Variants in PSMD14 observed in about 807,000 individuals in gnomAD.
PSMD14 encodes the protein proteasome 26S subunit, non-ATPase 14.
In PSMD14, 7 loss-of-function variants were observed where a neutral mutation model predicts 41.2. That is an observed-to-expected ratio of 0.17 (90% CI 0.10 to 0.32). The LOEUF (loss-of-function observed/expected upper bound fraction) is 0.32, where lower values mean the gene tolerates loss of function less well. PSMD14 is among the 10% of genes least tolerant of loss of function. PSMD14 has a pLI of 1.00. For missense variants in PSMD14, 139 were observed against 375.6 expected, an observed-to-expected ratio of 0.37 and a Z score of 5.21; for synonymous variants, 114 against 122.3, an observed-to-expected ratio of 0.93 and a Z score of 0.45.
rs773274598 is a variant in PSMD14, at chr2:161,396,217, C to A, written c.771+1014C>A. 5.3e-5 allele frequency among the ~76,000 whole-genome samples: 8 copies of A among 152,144 alleles called. No homozygotes were observed. In the East Asian group the frequency reaches 1.3e-3, roughly 26 times the overall value. On this transcript the variant is annotated intron_variant, in intron 10 of 11. Coordinates refer to ENST00000409682, the MANE Select transcript of PSMD14 (RefSeq NM_005805.6). ...ATGTTACCCTAGGCAAAATAAACATCACAGGCAAGGGCTAGGAGATAGAAA... is the reference window on the plus strand; with the variant it reads ...ATGTTACCCTAGGCAAAATAAACATAACAGGCAAGGGCTAGGAGATAGAAA...
At chr2:161,348,430 G>T (rs1420207679) in intron 3 of PSMD14, among the ~76,000 whole-genome samples, 2 of 152,194 alleles carry the variant, frequency 1.3e-5, no homozygotes, top group Non-Finnish European at 2.9e-5. Flanking sequence ...TTGCCGATAG[G>T]TTGTAGTTTG....
At position 161,398,538 on chromosome 2, in the gene PSMD14, AT is replaced by A. The variant is rs528096563; in HGVS notation, c.771+3344del. 9.0e-3 allele frequency among the ~76,000 whole-genome samples: 1,364 copies of A among 151,100 alleles called. 21 individuals are homozygous for A. Among genetic ancestry groups the A allele is most frequent in the African/African-American group, 0.031 (1,292 of 41,236 alleles). ...TTATTCATGCGGAGATGCATCTGCT[AT>A]TTTTTTTTAATTTTGATAATGTTTG... On this transcript the variant is annotated intron_variant, in intron 10 of 11. Coordinates refer to ENST00000409682, the MANE Select transcript of PSMD14 (RefSeq NM_005805.6).
At chr2:161,377,149 T>A (rs1389623465) in intron 7 of PSMD14, among the ~76,000 whole-genome samples, 1 of 151,952 alleles carries the variant, frequency 6.6e-6, no homozygotes, top group Non-Finnish European at 1.5e-5. Context: ...ATAGCTGCTA[T>A]ATTTATAAGA....
chr2:161,407,916 C>A (rs1683974151), intron 10 of PSMD14: 1 of 151,936 alleles, frequency 6.6e-6, no homozygotes, highest in African/African-American at 2.4e-5. Context: ...TGTCTTCAGG[C>A]CATAACATAC....
intron 3 of PSMD14, among the ~76,000 whole-genome samples, chr2:161,362,282 T>TA (rs1257635839): frequency 1.3e-5 from 2 of 152,220 alleles, no homozygotes; most frequent in Non-Finnish European, 2.9e-5. Flanking sequence ...AGTCAACACT[T>TA]ACATCTGTAT....
In PSMD14 at chr2:161,318,829, G is replaced by T; in HGVS notation, c.4G>T (p.Asp2Tyr). M[D>Y]RLLRLGGGMP... ...TTTGTTTCTGTTTTCTAGAAATATG[G>T]ACAGACTTCTTAGACTTGGAGGAGG... The change falls in exon 3 of 12, where the codon GAC (aspartate) becomes TAC (tyrosine). Residue 2 changes from aspartate to tyrosine, a missense_variant. Around this residue, in one of 4 missense-constraint regions of PSMD14, gnomAD observed 24 missense variants for 55.3 expected, o/e 0.43. Coordinates refer to ENST00000409682, the MANE Select transcript of PSMD14 (RefSeq NM_005805.6). 1 of 1,612,778 alleles carries T rather than the reference G, an allele frequency of 6.2e-7. No individual in the cohort carries two copies. Among genetic ancestry groups the T allele is most frequent in the South Asian group, 1.1e-5 (1 of 90,962 alleles).
At chr2:161,379,393 A>T (rs910263444) in intron 7 of PSMD14, among the ~76,000 whole-genome samples, 2 of 151,972 alleles carry the variant, frequency 1.3e-5, no homozygotes, top group Admixed American at 1.3e-4. Context: ...TTCTAGGCAT[A>T]TTCAGTCATT....
intron 10 of PSMD14, among the ~76,000 whole-genome samples, chr2:161,399,602 T>G (rs1251188995): frequency 6.6e-6 from 1 of 152,138 alleles, no homozygotes; most frequent in Non-Finnish European, 1.5e-5. Context: ...TATAAAATAT[T>G]TTTTTAAAAT....
chr2:161,395,313 A>G (rs1475816690), intron 10 of PSMD14, 110 bp downstream of exon 10: 2 of 1,093,092 alleles, frequency 1.8e-6, no homozygotes, highest in Non-Finnish European at 2.6e-6. Flanking sequence ...TGTAAATAAA[A>G]TAGTAAATAT....
chr2:161,364,691 G>C (rs1459051088), intron 3 of PSMD14, among the ~76,000 whole-genome samples: 1 of 152,140 alleles, frequency 6.6e-6, no homozygotes, highest in Non-Finnish European at 1.5e-5. Context: ...CTGTCCCATT[G>C]ATGGTGTATT....
At chr2:161,327,803 A>T (rs2105234803) in intron 3 of PSMD14, among the ~76,000 whole-genome samples, 1 of 152,218 alleles carries the variant, frequency 6.6e-6, no homozygotes, top group Admixed American at 6.5e-5. Context: ...AAGAATGGCC[A>T]AAAAAAGTTA....
chr2:161,372,055 C>A (rs1378453658), intron 7 of PSMD14, among the ~76,000 whole-genome samples: 1 of 151,728 alleles, frequency 6.6e-6, no homozygotes, highest in Non-Finnish European at 1.5e-5. Context: ...TCTATTATCA[C>A]CTTCACAGAG....
chr2:161,355,347 A>G (rs1683180827), intron 3 of PSMD14, among the ~76,000 whole-genome samples: 1 of 152,172 alleles, frequency 6.6e-6, no homozygotes, highest in Admixed American at 6.5e-5. Flanking sequence ...TTTTTACTAA[A>G]GTCAGTACTT....
chr2:161,388,691 A>C (rs1469651153), intron 8 of PSMD14, among the ~76,000 whole-genome samples: 1 of 152,122 alleles, frequency 6.6e-6, no homozygotes, highest in African/African-American at 2.4e-5. Context: ...TATCAATATA[A>C]AATAAATTAA....
intron 3 of PSMD14, among the ~76,000 whole-genome samples, chr2:161,355,491 G>A (rs905127217): frequency 3.3e-5 from 5 of 151,872 alleles, no homozygotes; most frequent in Non-Finnish European, 5.9e-5. Context: ...TATAAATGTA[G>A]CATTTGAAAA....
At chr2:161,403,638 T>C (rs767606146) in intron 10 of PSMD14, among the ~76,000 whole-genome samples, 20 of 152,168 alleles carry the variant, frequency 1.3e-4, no homozygotes, top group Non-Finnish European at 2.2e-4. Flanking sequence ...AAACCCCATT[T>C]GGCTCCTGCT....
chr2:161,370,807 A>G (rs542092301), intron 6 of PSMD14, among the ~76,000 whole-genome samples: 3 of 152,252 alleles, frequency 2.0e-5, no homozygotes, highest in Admixed American at 6.5e-5. Context: ...ATTGTTAAAA[A>G]TGTACTCTGT....
At chr2:161,385,314 C>T in intron 7 of PSMD14, 150 bp from the exon 8 acceptor site, 1 of 417,442 alleles carries the variant, frequency 2.4e-6, no homozygotes. Flanking sequence ...GCACAGTCAG[C>T]AGGAGGTTCT....
At chr2:161,348,710 G>A (rs1431114720) in intron 3 of PSMD14, among the ~76,000 whole-genome samples, 2 of 152,172 alleles carry the variant, frequency 1.3e-5, no homozygotes, top group Non-Finnish European at 2.9e-5. Context: ...CGATCACTAA[G>A]ATGAGAATAG....
Sources: allele counts gnomAD v4.1 joint callset (sites outside exome capture counted in the v4.1 genomes callset), GRCh38; gene constraint gnomAD v4.1.1; regional missense constraint gnomAD v4.1.1; transcripts MANE v1.5; gene names NCBI Gene and HGNC (gene_info 2026-07-23, HGNC 2026-07-21).